BDH2: variants seen among roughly 807,000 people sequenced by gnomAD.
BDH2 encodes dehydrogenase/reductase SDR family member 6.
Under a neutral mutation model 33.2 loss-of-function variants are expected in BDH2, and 24 were observed. The observed-to-expected ratio is 0.72, with a 90% CI of 0.52 to 1.02. The LOEUF is 1.02. Ranked by LOEUF, BDH2 falls within the 50% of genes least tolerant of loss-of-function variation. The probability of loss-of-function intolerance (pLI) is 0.00; values close to 1 mark genes in which losing one functional copy is unlikely to be tolerated. For synonymous variants in BDH2, 81 were observed against 101.6 expected (o/e 0.80, Z 1.22); for missense variants, 249 against 301.6 (o/e 0.83, Z 1.29).
intron 5 of BDH2, among the ~76,000 whole-genome samples, chr4:103,087,660 ATGT>A (rs1378590824): frequency 6.6e-6 from 1 of 152,216 alleles, no homozygotes; most frequent in South Asian, 2.1e-4. Context: ...CAGTCAATAA[ATGT>A]TGATGAATCA....
At chr4:103,088,782 T>C (rs2110705997) in intron 5 of BDH2, among the ~76,000 whole-genome samples, 1 of 152,334 alleles carries the variant, frequency 6.6e-6, no homozygotes. Context: ...TGGTGGAACC[T>C]GGCCACTTGG....
Position 103,091,163 on chromosome 4 carries a change from G to A in BDH2, c.357+14C>T. 4 of 1,552,120 alleles carry A rather than the reference G, an allele frequency of 2.6e-6. No individual in the cohort carries two copies. Among genetic ancestry groups the A allele is most frequent in the East Asian group, 2.2e-5 (1 of 44,612 alleles). ...ATGTGGTGCTTATCCTGGTGGTGGT[G>A]GTGGTGGTCTTACTTTAGGAAGGAA... is the stretch of plus-strand genomic sequence containing the variant. On this transcript the variant is annotated intron_variant, in intron 5 of 9. Transcript: ENST00000296424.
chr4:103,090,318 T>C (rs1266580394), intron 5 of BDH2, among the ~76,000 whole-genome samples: 1 of 152,256 alleles, frequency 6.6e-6, no homozygotes, highest in Non-Finnish European at 1.5e-5. Context: ...TACTTAATGC[T>C]AGTTTATAAA....
chr4:103,085,747 G>A (rs1747748734), intron 6 of BDH2: 4 of 1,371,348 alleles, frequency 2.9e-6, no homozygotes, highest in Non-Finnish European at 3.8e-6. Flanking sequence ...ATAACTCTTA[G>A]GCAGATTCCA....
At chr4:103,082,648 C>T (rs560818402) in intron 8 of BDH2, among the ~76,000 whole-genome samples, 7 of 152,208 alleles carry the variant, frequency 4.6e-5, no homozygotes, top group African/African-American at 1.7e-4. Flanking sequence ...CCTCAAACTC[C>T]TGGGCTCAAG....
At position 103,079,620 on chromosome 4, in the gene BDH2, A is replaced by T. The variant is rs527277830; in HGVS notation, c.*82T>A. On this transcript the variant is annotated 3_prime_UTR_variant, in exon 10 of 10. Coordinates refer to ENST00000296424, the MANE Select transcript of BDH2 (RefSeq NM_020139.4). Reference sequence around the variant, plus strand: ...TTAACATGTGATTAACAGGAAGGAGATGATTGGTGAGTTTTCTTCGTAACC... The same window carrying T: ...TTAACATGTGATTAACAGGAAGGAGTTGATTGGTGAGTTTTCTTCGTAACC... 5.2e-4 allele frequency: 691 copies of T among 1,323,372 alleles called. 12 individuals are homozygous for T. The South Asian group carries it at 7.7e-3, about 15-fold the overall frequency. The allele number at this position is 1,323,372 out of a possible 1,614,324, so 82.0% of individuals were successfully genotyped here.
chr4:103,078,956 G>C lies in BDH2; in HGVS notation c.*746C>G, dbSNP rs1357076263. ...GCCTCCCAAAGTGCAGGAATTATAG[G>C]CATGAGCTACCATGCCTAGTCCTGA... On this transcript the variant is annotated 3_prime_UTR_variant, in exon 10 of 10. Coordinates refer to ENST00000296424, the MANE Select transcript of BDH2 (RefSeq NM_020139.4). 3.9e-5 allele frequency among the ~76,000 whole-genome samples: 6 copies of C among 152,202 alleles called. No individual in the cohort carries two copies. The East Asian group carries it at 1.2e-3, about 29-fold the overall frequency.
At chr4:103,096,579 C>T (rs531676875) in intron 1 of BDH2, among the ~76,000 whole-genome samples, 3 of 141,000 alleles carry the variant, frequency 2.1e-5, no homozygotes, top group African/African-American at 8.1e-5. Flanking sequence ...TCACTCTTGT[C>T]ACCCAGGCTG....
chr4:103,099,172 T>C (rs900708346), intron 1 of BDH2: 2 of 152,188 alleles, frequency 1.3e-5, no homozygotes, highest in African/African-American at 4.8e-5. Flanking sequence ...TGTATGGCCC[T>C]GTAAAGCCTC....
At chr4:103,095,121 AT>A (rs548876188) in intron 3 of BDH2, 81 bp downstream of exon 3, 1,050 of 1,080,540 alleles carry the variant, frequency 9.7e-4, no homozygotes, top group Non-Finnish European at 1.4e-3. Context: ...TAGCTAGGGA[AT>A]TTTCTTTCAA....
At chr4:103,094,540 C>CG (rs1748271305) in intron 3 of BDH2, among the ~76,000 whole-genome samples, 1 of 151,870 alleles carries the variant, frequency 6.6e-6, no homozygotes, top group African/African-American at 2.4e-5. Context: ...TCATGTTGAA[C>CG]ATCTTGAATA....
Position 103,082,742 on chromosome 4 carries a change from CT to C in BDH2, c.591+128del. ...CTCTACTCATTAAGCATTAACTACT[CT>C]TTTCCCTCCTTCCAAGCCCCTGGCA... is the stretch of plus-strand genomic sequence containing the variant. On this transcript the variant is annotated intron_variant, in intron 8 of 9. Transcript: ENST00000296424. 18 of 797,400 alleles carry C rather than the reference CT, an allele frequency of 2.3e-5. No homozygotes were observed. The South Asian group carries it at 2.6e-4, about 11-fold the overall frequency. 49.4% of individuals were successfully genotyped at this position (797,400 alleles called of 1,614,324 possible).
intron 2 of BDH2, 138 bp from the exon 3 acceptor site, chr4:103,095,419 T>C: frequency 1.6e-6 from 1 of 615,620 alleles, no homozygotes; most frequent in Non-Finnish European, 2.8e-6. Flanking sequence ...AATTTTAAAC[T>C]ATCTAGTCTT....
At chr4:103,089,954 C>G (rs1239224521) in intron 5 of BDH2, among the ~76,000 whole-genome samples, 1 of 152,188 alleles carries the variant, frequency 6.6e-6, no homozygotes, top group East Asian at 1.9e-4. Flanking sequence ...ATTACTAAGT[C>G]AGTTTCTCTA....
intron 3 of BDH2, among the ~76,000 whole-genome samples, chr4:103,094,535 T>C (rs1218731931): frequency 6.6e-6 from 1 of 152,142 alleles, no homozygotes; most frequent in Admixed American, 6.5e-5. Flanking sequence ...AAACATCATG[T>C]TGAACATCTT....
intron 1 of BDH2, among the ~76,000 whole-genome samples, chr4:103,097,049 A>AT (rs1325034937): frequency 7.3e-5 from 11 of 151,718 alleles, no homozygotes; most frequent in Admixed American, 2.0e-4. Context: ...ATTGCTTATG[A>AT]TTTTTTTTCT....
At chr4:103,094,418 C>A (rs1400003217) in intron 3 of BDH2, among the ~76,000 whole-genome samples, 1 of 152,020 alleles carries the variant, frequency 6.6e-6, no homozygotes, top group Non-Finnish European at 1.5e-5. Flanking sequence ...CCTAGGTATT[C>A]TTAGCACACA....
intron 3 of BDH2, among the ~76,000 whole-genome samples, chr4:103,093,758 A>G: frequency 6.8e-6 from 1 of 146,668 alleles, no homozygotes; most frequent in Non-Finnish European, 1.5e-5. Flanking sequence ...TATAATGTGT[A>G]TTATATTTTA....
chr4:103,081,383 C>T lies in BDH2; in HGVS notation c.684+698G>A, dbSNP rs1041758890. 5.9e-5 allele frequency among the ~76,000 whole-genome samples: 9 copies of T among 152,128 alleles called. No homozygotes were observed. The South Asian group carries it at 1.0e-3, about 18-fold the overall frequency. On this transcript the variant is annotated intron_variant, in intron 9 of 9. Coordinates refer to ENST00000296424, the MANE Select transcript of BDH2 (RefSeq NM_020139.4). ...CGCAATCCCGGCTCACTGCAACCTC[C>T]GCCTCCCTGGTTCAAGCGATTCTCC...
Sources: allele counts gnomAD v4.1 joint callset (sites outside exome capture counted in the v4.1 genomes callset), GRCh38; gene constraint gnomAD v4.1.1; transcripts MANE v1.5; gene names NCBI Gene and HGNC (gene_info 2026-07-23, HGNC 2026-07-21).